PLXNA4: variants seen among roughly 807,000 people sequenced by gnomAD.
PLXNA4 encodes the protein plexin A4.
PLXNA4 carries 44 observed loss-of-function variants against 191.8 expected under a neutral mutation model. The ratio of observed to expected loss-of-function variants is 0.23; its 90% CI spans 0.18 to 0.29. The LOEUF is 0.29. Ranked by LOEUF, PLXNA4 falls within the 10% of genes least tolerant of loss-of-function variation. The pLI, the probability that PLXNA4 is intolerant of heterozygous loss-of-function variation, is 1.00. For missense variants in PLXNA4, 1,800 were observed against 2,488.8 expected (o/e 0.72, Z 5.89); for synonymous variants, 1,082 against 1,009.5 (o/e 1.07, Z -1.36).
At chr7:132,206,802 G>A (rs774333288) in intron 10 of PLXNA4, among the ~76,000 whole-genome samples, 5 of 152,034 alleles carry the variant, frequency 3.3e-5, no homozygotes, top group Non-Finnish European at 4.4e-5. Context: ...CCCCAGGATC[G>A]CCCTATCTCC....
intron 2 of PLXNA4, among the ~76,000 whole-genome samples, chr7:132,638,324 C>T (rs1803649237): frequency 6.6e-6 from 1 of 152,174 alleles, no homozygotes; most frequent in Admixed American, 6.5e-5. Flanking sequence ...GGTTGGAAGA[C>T]TAAGTGAGAC....
intron 1 of PLXNA4, among the ~76,000 whole-genome samples, chr7:132,517,531 G>T (rs1228836768): frequency 6.6e-6 from 1 of 152,168 alleles, no homozygotes; most frequent in African/African-American, 2.4e-5. Context: ...TAACTCACAG[G>T]CAGAAACACA....
At chr7:132,628,358 CTCTCTCTCTGTT>C (rs1803423314) in intron 2 of PLXNA4, among the ~76,000 whole-genome samples, 3 of 150,346 alleles carry the variant, frequency 2.0e-5, no homozygotes, top group African/African-American at 5.0e-5. Context: ...CTCGCTCTCT[CTCTCTCTCTGTT>C]TCTCTCTCTC....
intron 3 of PLXNA4, among the ~76,000 whole-genome samples, chr7:132,368,334 G>A (rs925317711): frequency 2.0e-5 from 3 of 152,176 alleles, no homozygotes; most frequent in Admixed American, 2.0e-4. Flanking sequence ...AAAGCAACAA[G>A]GAGACATGGG....
chr7:132,279,319 G>A (rs750858354), intron 4 of PLXNA4, among the ~76,000 whole-genome samples: 4 of 152,090 alleles, frequency 2.6e-5, no homozygotes, highest in Non-Finnish European at 4.4e-5. Flanking sequence ...CATAGTGACA[G>A]GTTGGAAAGC....
At chr7:132,416,066 T>G (rs1266023776) in intron 3 of PLXNA4, among the ~76,000 whole-genome samples, 1 of 152,234 alleles carries the variant, frequency 6.6e-6, no homozygotes, top group Non-Finnish European at 1.5e-5. Context: ...TTTCAAGTGC[T>G]CAGTAGTCCC....
At chr7:132,395,196 A>T (rs1482239153) in intron 3 of PLXNA4, among the ~76,000 whole-genome samples, 1 of 152,152 alleles carries the variant, frequency 6.6e-6, no homozygotes, top group Non-Finnish European at 1.5e-5. Context: ...CTGGAGTGGA[A>T]GTCACAGCCT....
chr7:132,547,209 C>A (rs1800346613), intron 1 of PLXNA4, among the ~76,000 whole-genome samples: 1 of 152,158 alleles, frequency 6.6e-6, no homozygotes, highest in Non-Finnish European at 1.5e-5. Flanking sequence ...CTGACCACTT[C>A]ACACACGTCA....
chr7:132,235,021 A>G (rs1798650353), intron 5 of PLXNA4, among the ~76,000 whole-genome samples: 1 of 152,222 alleles, frequency 6.6e-6, no homozygotes, highest in South Asian at 2.1e-4. Flanking sequence ...GCATTTTGCA[A>G]TCAGCTTGTG....
chr7:132,601,199 C>T (rs1435328105), intron 2 of PLXNA4, among the ~76,000 whole-genome samples: 2 of 152,028 alleles, frequency 1.3e-5, no homozygotes, highest in East Asian at 3.9e-4. Context: ...GGGAATTTTT[C>T]CTGAAGGAAT....
intron 6 of PLXNA4, 103 bp downstream of exon 6, chr7:132,228,243 C>A: frequency 6.6e-7 from 1 of 1,505,086 alleles, no homozygotes; most frequent in Non-Finnish European, 9.0e-7. Context: ...GCTGGCCGGG[C>A]TTGGCCCAGT....
At chr7:132,450,851 CGGAGGCCCA>C (rs1563106166) in intron 3 of PLXNA4, among the ~76,000 whole-genome samples, 1 of 152,164 alleles carries the variant, frequency 6.6e-6, no homozygotes, top group African/African-American at 2.4e-5. Context: ...CTGAGCAAGT[CGGAGGCCCA>C]GGAGGCCCAC....
At chr7:132,557,313 T>G (rs1800841352) in intron 1 of PLXNA4, among the ~76,000 whole-genome samples, 1 of 152,150 alleles carries the variant, frequency 6.6e-6, no homozygotes, top group Non-Finnish European at 1.5e-5. Flanking sequence ...CTACTGAAGT[T>G]GAGTTGTTCC....
chr7:132,208,384 T>C (rs1181922524), intron 10 of PLXNA4, among the ~76,000 whole-genome samples: 1 of 152,188 alleles, frequency 6.6e-6, no homozygotes, highest in African/African-American at 2.4e-5. Context: ...AATTAAAAAG[T>C]CATGGAGGCA....
chr7:132,491,166 A>ATGGGC lies in PLXNA4; in HGVS notation c.1189-1697_1189-1693dup, dbSNP rs1797782386. Among the ~76,000 whole-genome samples the ATGGGC allele has an allele frequency of 3.9e-5, 6 of 152,222 alleles. No individual in the cohort carries two copies. In the South Asian group the frequency reaches 1.2e-3, roughly 31 times the overall value. ...TGACGGAAACAATCCCCGCTCTTTG[A>ATGGGC]TGGGCTACCATAAAGCCTATTGCAC... On this transcript the variant is annotated intron_variant, in intron 2 of 31. Transcript: ENST00000321063.
chr7:132,225,388 A>G (rs1476738603), intron 8 of PLXNA4, among the ~76,000 whole-genome samples: 1 of 152,186 alleles, frequency 6.6e-6, no homozygotes, highest in Non-Finnish European at 1.5e-5. Flanking sequence ...CAGATGGGAC[A>G]GTGCTCCTGC....
At chr7:132,494,331 C>G (rs1421706512) in intron 2 of PLXNA4, among the ~76,000 whole-genome samples, 1 of 152,154 alleles carries the variant, frequency 6.6e-6, no homozygotes, top group Non-Finnish European at 1.5e-5. Flanking sequence ...TGAGCTCCAC[C>G]CCAGACATAT....
chr7:132,319,927 C>T (rs1802098151), intron 3 of PLXNA4, among the ~76,000 whole-genome samples: 1 of 152,218 alleles, frequency 6.6e-6, no homozygotes, highest in Non-Finnish European at 1.5e-5. Context: ...TGCCATGCTT[C>T]CCCACCTCTC....
In PLXNA4 at chr7:132,371,866, A is replaced by C. The variant is rs114131496; in HGVS notation, c.1372-73644T>G. On this transcript the variant is annotated intron_variant, in intron 3 of 31. Coordinates refer to ENST00000321063, the MANE Select transcript of PLXNA4 (RefSeq NM_020911.2). ...CCACTGAAGAGTGCTTTAATCCATG[A>C]AAACACACTGAGAAATAACTCTGGG... 4.3e-3 allele frequency among the ~76,000 whole-genome samples: 648 copies of C among 152,308 alleles called. 10 individuals carry two copies. Among genetic ancestry groups the C allele is most frequent in the African/African-American group, 0.015 (609 of 41,558 alleles).
Sources: gnomAD v4.1 joint callset for allele counts (sites outside exome capture counted in the v4.1 genomes callset) on GRCh38, gnomAD v4.1.1 for gene constraint, MANE v1.5 for transcripts, NCBI Gene and HGNC (gene_info 2026-07-23, HGNC 2026-07-21) for gene names.